NEK3: variants seen among roughly 807,000 people sequenced by gnomAD.
The protein encoded by NEK3 is NIMA related kinase 3.
A neutral mutation model predicts 66.0 loss-of-function variants in NEK3; 54 were observed. The observed-to-expected ratio is 0.82, with a 90% CI of 0.66 to 1.03. NEK3 has a LOEUF of 1.03. Ranked by LOEUF, NEK3 falls within the 50% of genes least tolerant of loss-of-function variation. The pLI, the probability that NEK3 is intolerant of heterozygous loss-of-function variation, is 0.00. For synonymous variants in NEK3, 200 were observed against 206.2 expected (o/e 0.97, Z 0.26); for missense variants, 593 against 603.0 (o/e 0.98, Z 0.17).
intron 2 of NEK3, 21 bp from the exon 3 acceptor site, chr13:52,154,194 A>G (rs1305091708): frequency 6.9e-7 from 1 of 1,458,584 alleles, no homozygotes; most frequent in Non-Finnish European, 9.5e-7. Flanking sequence ...ATTTTAAATA[A>G]GCATAAACTT....
intron 7 of NEK3, among the ~76,000 whole-genome samples, chr13:52,150,103 C>A (rs1306377009): frequency 6.6e-6 from 1 of 152,196 alleles, no homozygotes; most frequent in African/African-American, 2.4e-5. Flanking sequence ...GTCAATTCTA[C>A]TCTTAAAATA....
At chr13:52,134,600 A>C (rs1594020103) in intron 14 of NEK3, among the ~76,000 whole-genome samples, 2 of 152,238 alleles carry the variant, frequency 1.3e-5, no homozygotes, top group East Asian at 3.8e-4. Flanking sequence ...TAACCTAAAA[A>C]CATGGGCCGA....
chr13:52,152,847 A>AGTGTTACTTG (rs1345275988), intron 4 of NEK3, among the ~76,000 whole-genome samples, 155 bp from the exon 5 acceptor site: 1 of 152,226 alleles, frequency 6.6e-6, no homozygotes, highest in Admixed American at 6.5e-5. Flanking sequence ...ACTAAGATTC[A>AGTGTTACTTG]GTGTTACTTG....
chr13:52,157,682 A>G (rs1330633083), intron 1 of NEK3, among the ~76,000 whole-genome samples: 1 of 152,216 alleles, frequency 6.6e-6, no homozygotes, highest in Non-Finnish European at 1.5e-5. Context: ...TATTTCCAGG[A>G]TGAAGCAGCT....
intron 13 of NEK3, 90 bp downstream of exon 13, chr13:52,136,026 C>A: frequency 1.3e-6 from 2 of 1,540,902 alleles, no homozygotes; most frequent in Non-Finnish European, 1.8e-6. Flanking sequence ...GCCAAATACC[C>A]TTCACAGACA....
At chr13:52,140,333 G>A (rs1426513071) in intron 11 of NEK3, among the ~76,000 whole-genome samples, 1 of 152,084 alleles carries the variant, frequency 6.6e-6, no homozygotes, top group East Asian at 1.9e-4. Flanking sequence ...TGGAGGCCGG[G>A]CACGGTGGCT....
intron 7 of NEK3, among the ~76,000 whole-genome samples, chr13:52,148,951 T>C (rs1025951726): frequency 1.3e-5 from 2 of 152,112 alleles, no homozygotes; most frequent in Non-Finnish European, 2.9e-5. Flanking sequence ...TAGTGCAGCC[T>C]CACAATCTCG....
chr13:52,141,140 A>G, intron 10 of NEK3, 71 bp from the exon 11 acceptor site: 1 of 1,373,646 alleles, frequency 7.3e-7, no homozygotes, highest in Non-Finnish European at 1.0e-6. Context: ...TCCTAATATG[A>G]TTTTCATACA....
At chr13:52,136,024 C>A in intron 13 of NEK3, 92 bp downstream of exon 13, 2 of 1,529,388 alleles carry the variant, frequency 1.3e-6, no homozygotes, top group Non-Finnish European at 1.8e-6. Flanking sequence ...ACGCCAAATA[C>A]CCTTCACAGA....
intron 8 of NEK3, among the ~76,000 whole-genome samples, chr13:52,146,523 A>G (rs191429549): frequency 7.9e-5 from 12 of 152,344 alleles, no homozygotes; most frequent in Admixed American, 7.2e-4. Flanking sequence ...GCTGGAAAAA[A>G]GAAGAACGTA....
chr13:52,159,571 C>G lies in NEK3; in HGVS notation c.-86G>C, dbSNP rs1956427621. Reference sequence around the variant, plus strand: ...CTTCCCCGGCGACCCTAGTCCACTCCTTGGCCTGGCAACCGGCGGCTTCCG... The same window carrying G: ...CTTCCCCGGCGACCCTAGTCCACTCGTTGGCCTGGCAACCGGCGGCTTCCG... On this transcript the variant is annotated 5_prime_UTR_variant, in exon 1 of 16. Coordinates refer to ENST00000610828, the MANE Select transcript of NEK3 (RefSeq NM_002498.3). 6.6e-6 allele frequency: 1 copy of G among 152,384 alleles called. No homozygotes were observed. The highest frequency in any genetic ancestry group is 3.4e-3 in the Middle Eastern group (1 of 294). The allele number at this position is 152,384 out of a possible 1,614,324, so 9.4% of individuals were successfully genotyped here. A position where few individuals can be genotyped will look rare whatever the true frequency, so the allele number is the denominator to read the frequency against.
chr13:52,143,044 AC>A (rs1264042741), intron 10 of NEK3, among the ~76,000 whole-genome samples: 1 of 152,156 alleles, frequency 6.6e-6, no homozygotes, highest in Non-Finnish European at 1.5e-5. Flanking sequence ...AGGATATTTT[AC>A]TGTTTAAGAG....
chr13:52,149,177 G>A (rs1170465371), intron 7 of NEK3, among the ~76,000 whole-genome samples: 1 of 151,996 alleles, frequency 6.6e-6, no homozygotes, highest in Admixed American at 6.6e-5. Flanking sequence ...GGGATTACAG[G>A]TGTGAGCCAC....
At position 52,152,334 on chromosome 13, in the gene NEK3, G is replaced by C. The variant is rs148912609; in HGVS notation, c.393+275C>G. On this transcript the variant is annotated intron_variant, in intron 5 of 15. Coordinates refer to ENST00000610828, the MANE Select transcript of NEK3 (RefSeq NM_002498.3). ...CTCACCACAAAGAAATAATAAGTAC[G>C]TGAGGCAACAGATATGTTAATTACC... 5.7e-3 allele frequency among the ~76,000 whole-genome samples: 862 copies of C among 152,230 alleles called. 4 individuals are homozygous for C. Among genetic ancestry groups the C allele is most frequent in the African/African-American group, 0.02 (834 of 41,546 alleles).
intron 9 of NEK3, 122 bp from the exon 10 acceptor site, chr13:52,144,109 T>C: frequency 1.6e-6 from 1 of 629,722 alleles, no homozygotes. Flanking sequence ...AAAACAAAAG[T>C]ACCACTTTAA....
At chr13:52,156,025 T>C (rs2138215222) in intron 2 of NEK3, 50 bp downstream of exon 2, 1 of 1,245,434 alleles carries the variant, frequency 8.0e-7, no homozygotes, top group Non-Finnish European at 1.1e-6. Flanking sequence ...TATTCTTTTA[T>C]ATAAACTGCA....
rs374088197 is a variant in NEK3 at position 52,148,465 on chromosome 13, T to C, written c.553A>G (p.Ile185Val). ...ENLPYNNKSD[I>V]WSLGCILYEL... is the part of the protein sequence containing the mutation. ...TACAGGATGCAACCCAAGGACCAGA[T>C]GTCACTGAAAGCATAAAGAAGCAAT... The change falls in exon 8 of 16, where the codon ATC becomes GTC. Residue 185 changes from isoleucine (I) to valine (V), a missense_variant. Physicochemically the swap from Ile to Val is conservative, Grantham distance 29. Coordinates refer to ENST00000610828, the MANE Select transcript of NEK3 (RefSeq NM_002498.3). The C allele has an allele frequency of 1.9e-6, 3 of 1,613,568 alleles. No individual in the cohort carries two copies. The highest frequency in any genetic ancestry group is 1.1e-5 in the South Asian group (1 of 90,976).
At chr13:52,153,862 C>G in intron 4 of NEK3, 33 bp downstream of exon 4, 1 of 1,476,472 alleles carries the variant, frequency 6.8e-7, no homozygotes, top group Non-Finnish European at 9.5e-7. Context: ...GGCTTCTAAA[C>G]CTTGAGAGAA....
At chr13:52,149,868 C>CAA (rs76728379) in intron 7 of NEK3, among the ~76,000 whole-genome samples, 2 of 125,978 alleles carry the variant, frequency 1.6e-5, no homozygotes, top group Non-Finnish European at 1.6e-5. Context: ...GACTCTGTCT[C>CAA]AAAAAAAAAA....
Sources: allele counts gnomAD v4.1 joint callset (sites outside exome capture counted in the v4.1 genomes callset), GRCh38; gene constraint gnomAD v4.1.1; transcripts MANE v1.5; gene names NCBI Gene and HGNC (gene_info 2026-07-23, HGNC 2026-07-21).